The following DCC variants were observed in gnomAD, a reference collection of about 807,000 sequenced individuals.
DCC encodes the protein netrin receptor DCC.
In DCC, 58 loss-of-function variants were observed where a neutral mutation model predicts 172.5. The ratio of observed to expected loss-of-function variants is 0.34; its 90% CI spans 0.27 to 0.42. DCC has a LOEUF of 0.42. Among genes scored for constraint, DCC ranks in the 10% least tolerant of loss-of-function variants. The probability of loss-of-function intolerance (pLI) is 1.00; values close to 1 mark genes in which losing one functional copy is unlikely to be tolerated. For synonymous variants in DCC, 709 were observed against 644.5 expected (o/e 1.10, Z -1.52); for missense variants, 1,740 against 1,791.0 (o/e 0.97, Z 0.51).
chr18:52,787,288 C>T (rs2084551319), intron 2 of DCC, among the ~76,000 whole-genome samples: 1 of 152,086 alleles, frequency 6.6e-6, no homozygotes, highest in South Asian at 2.1e-4. Flanking sequence ...ATCTTCAAAA[C>T]TATTGAAAAC....
At chr18:53,039,449 A>G (rs779909808) in intron 5 of DCC, among the ~76,000 whole-genome samples, 6 of 152,038 alleles carry the variant, frequency 3.9e-5, no homozygotes, top group Non-Finnish European at 8.8e-5. Flanking sequence ...TTGCCAGAGG[A>G]AGGTCTATGT....
rs867335827 is a variant in DCC, at chr18:53,517,862, G to A, written c.4112-8755G>A. On this transcript the variant is annotated intron_variant, in intron 27 of 28. Coordinates refer to ENST00000442544, the MANE Select transcript of DCC (RefSeq NM_005215.4). ...CCTTAAGATTGTTGCAAAATTTATA[G>A]TTTGAAATTCGATCACTTATGAGGG... Among the ~76,000 whole-genome samples, 25 of 152,230 alleles carry A rather than the reference G, an allele frequency of 1.6e-4. No homozygotes were observed. In the South Asian group the frequency reaches 4.6e-3, roughly 28 times the overall value.
At chr18:53,237,466 C>A (rs1401124743) in intron 12 of DCC, among the ~76,000 whole-genome samples, 1 of 152,100 alleles carries the variant, frequency 6.6e-6, no homozygotes, top group African/African-American at 2.4e-5. Context: ...ATATTTAACT[C>A]GAATTCCTTT....
At chr18:52,828,962 G>T (rs1020149188) in intron 2 of DCC, among the ~76,000 whole-genome samples, 1 of 152,176 alleles carries the variant, frequency 6.6e-6, no homozygotes, top group Non-Finnish European at 1.5e-5. Flanking sequence ...TGACAGTTTT[G>T]ATTTCAGCTA....
At chr18:53,246,951 T>C (rs780785839) in intron 12 of DCC, among the ~76,000 whole-genome samples, 75 of 152,044 alleles carry the variant, frequency 4.9e-4, no homozygotes, top group Non-Finnish European at 9.4e-4. Flanking sequence ...TAAATGATGG[T>C]TGGGTTTCAT....
chr18:53,275,248 G>A (rs1029505755), intron 12 of DCC, among the ~76,000 whole-genome samples: 2 of 152,088 alleles, frequency 1.3e-5, no homozygotes, highest in African/African-American at 4.8e-5. Flanking sequence ...CCAACTGCTA[G>A]ATTGAGCTTA....
At chr18:52,939,883 C>T (rs958578354) in intron 5 of DCC, among the ~76,000 whole-genome samples, 2 of 152,114 alleles carry the variant, frequency 1.3e-5, no homozygotes, top group Non-Finnish European at 2.9e-5. Flanking sequence ...AGTAGATTAT[C>T]AGGGATTCTT....
chr18:53,423,417 A>G (rs62098269), intron 21 of DCC, among the ~76,000 whole-genome samples: 65,204 of 151,570 alleles, frequency 0.43, 15,767 homozygotes, highest in Non-Finnish European at 0.55. Context: ...AACCTTGGCT[A>G]TCTGACTGTA....
At chr18:52,836,874 G>C (rs902102422) in intron 2 of DCC, among the ~76,000 whole-genome samples, 1 of 152,226 alleles carries the variant, frequency 6.6e-6, no homozygotes, top group African/African-American at 2.4e-5. Flanking sequence ...TGCCCTAGCA[G>C]AAGTTCTCCA....
At chr18:53,256,205 C>A (rs2056510673) in intron 12 of DCC, among the ~76,000 whole-genome samples, 1 of 152,208 alleles carries the variant, frequency 6.6e-6, no homozygotes, top group South Asian at 2.1e-4. Context: ...TGTGCAGAAG[C>A]TCTTTAGTTT....
chr18:53,085,975 T>G lies in DCC; in HGVS notation c.1261+19809T>G, dbSNP rs1400409480. Reference sequence around the variant, plus strand: ...GTATTTTCTCTTCTTCTTCTTCTTCTTCTTCTTCTTCTTCTCCTTCTCCTT... The same window carrying G: ...GTATTTTCTCTTCTTCTTCTTCTTCGTCTTCTTCTTCTTCTCCTTCTCCTT... On this transcript the variant is annotated intron_variant, in intron 7 of 28. Coordinates refer to ENST00000442544, the MANE Select transcript of DCC (RefSeq NM_005215.4). 5.9e-5 allele frequency among the ~76,000 whole-genome samples: 4 copies of G among 67,466 alleles called. 1 individual carries two copies. The highest frequency in any genetic ancestry group is 1.1e-4 in the Non-Finnish European group (4 of 35,726). 44.3% of individuals were successfully genotyped at this position (67,466 alleles called of 152,430 possible). A position where few individuals can be genotyped will look rare whatever the true frequency, so the allele number is the denominator to read the frequency against.
intron 14 of DCC, among the ~76,000 whole-genome samples, chr18:53,325,595 C>A (rs2057458958): frequency 1.3e-5 from 2 of 152,178 alleles, no homozygotes; most frequent in South Asian, 2.1e-4. Context: ...TAACTGTAAT[C>A]CAATTTATAC....
intron 1 of DCC, among the ~76,000 whole-genome samples, chr18:52,525,900 T>C (rs2031967507): frequency 6.6e-6 from 1 of 152,216 alleles, no homozygotes; most frequent in Admixed American, 6.5e-5. Context: ...TTAGCCTCAG[T>C]TTTCTTATCT....
intron 1 of DCC, among the ~76,000 whole-genome samples, chr18:52,370,842 T>C (rs1284722307): frequency 6.6e-6 from 1 of 152,222 alleles, no homozygotes; most frequent in Non-Finnish European, 1.5e-5. Flanking sequence ...TATTTTTTGA[T>C]GGAGAAGAAA....
At chr18:52,366,817 G>C (rs1984882337) in intron 1 of DCC, among the ~76,000 whole-genome samples, 1 of 152,226 alleles carries the variant, frequency 6.6e-6, no homozygotes, top group South Asian at 2.1e-4. Context: ...CTCCCCACCA[G>C]ACTCAGGAGC....
chr18:53,231,064 G>A (rs1024035563), intron 12 of DCC, among the ~76,000 whole-genome samples: 6 of 151,900 alleles, frequency 3.9e-5, no homozygotes, highest in African/African-American at 9.7e-5. Context: ...AGACTGAGGA[G>A]GACGCAGATG....
intron 2 of DCC, among the ~76,000 whole-genome samples, chr18:52,823,823 G>A (rs1490878491): frequency 1.3e-5 from 2 of 152,094 alleles, no homozygotes; most frequent in African/African-American, 2.4e-5. Context: ...TACATAATGG[G>A]GTGCCTGAGT....
intron 21 of DCC, among the ~76,000 whole-genome samples, chr18:53,422,402 T>C (rs1910685001): frequency 6.6e-6 from 1 of 152,146 alleles, no homozygotes; most frequent in African/African-American, 2.4e-5. Flanking sequence ...TATCTTTATT[T>C]TAGGTTGACA....
intron 2 of DCC, among the ~76,000 whole-genome samples, chr18:52,822,653 T>A (rs2038427475): frequency 6.6e-6 from 1 of 152,166 alleles, no homozygotes; most frequent in Non-Finnish European, 1.5e-5. Context: ...GGATCCACAG[T>A]TTTAATGAAA....
Sources: gnomAD v4.1 joint callset for allele counts (sites outside exome capture counted in the v4.1 genomes callset) on GRCh38, gnomAD v4.1.1 for gene constraint, MANE v1.5 for transcripts, NCBI Gene and HGNC (gene_info 2026-07-23, HGNC 2026-07-21) for gene names.